Variants in LONRF1 observed in about 807,000 individuals in gnomAD.
LONRF1 encodes LON peptidase N-terminal domain and RING finger protein 1.
In LONRF1, 37 loss-of-function variants were observed where a neutral mutation model predicts 85.8. The observed-to-expected ratio is 0.43, with a 90% CI of 0.33 to 0.57. The LOEUF is 0.57. Among genes scored for constraint, LONRF1 ranks in the 20% least tolerant of loss-of-function variants. The pLI is 0.04. For missense variants in LONRF1, 1,036 were observed against 978.0 expected, an observed-to-expected ratio of 1.06 and a Z score of -0.79; for synonymous variants, 517 against 390.1, an observed-to-expected ratio of 1.33 and a Z score of -3.83.
At chr8:12,754,632 C>A in intron 1 of LONRF1, 68 bp downstream of exon 1, 2 of 1,254,282 alleles carry the variant, frequency 1.6e-6, no homozygotes, top group East Asian at 3.3e-5. Context: ...AGACAAGCTC[C>A]GGGTCCCCGG....
chr8:12,749,056 A>C (rs1343834544), intron 1 of LONRF1, among the ~76,000 whole-genome samples: 1 of 152,210 alleles, frequency 6.6e-6, no homozygotes, highest in Non-Finnish European at 1.5e-5. Flanking sequence ...TACATTTTAT[A>C]ACTGCTGTGA....
chr8:12,733,740 C>G (rs1206017045), intron 7 of LONRF1, among the ~76,000 whole-genome samples: 2 of 152,000 alleles, frequency 1.3e-5, no homozygotes, highest in South Asian at 2.1e-4. Flanking sequence ...GACTATTATG[C>G]TGCTATAAAA....
At chr8:12,740,452 T>C (rs752618835) in intron 3 of LONRF1, among the ~76,000 whole-genome samples, 16 of 151,992 alleles carry the variant, frequency 1.1e-4, no homozygotes, top group Non-Finnish European at 1.5e-4. Flanking sequence ...AAGTGACATA[T>C]GGAGTATTGA....
intron 1 of LONRF1, chr8:12,753,496 T>C (rs1450793835): frequency 6.6e-6 from 1 of 152,166 alleles, no homozygotes; most frequent in African/African-American, 2.4e-5. Flanking sequence ...TAATTCTTTG[T>C]TGTGGGAATC....
At position 12,755,085 on chromosome 8, in the gene LONRF1, G is replaced by C; in HGVS notation, c.336C>G (p.Gly112=). ...GGAGCCCGCCGGCGCCGCCGTCAGC[G>C]CCTGCAACCGGGGCCGCGCTCCAGC... ...GLGWSAAPVA[G]ADGGAGGLLR... The change falls in exon 1 of 12, where the codon GGC becomes GGG. Residue 112 remains glycine (G), a synonymous_variant. Coordinates refer to ENST00000398246, the MANE Select transcript of LONRF1 (RefSeq NM_152271.5). The C allele has an allele frequency of 6.8e-7, 1 of 1,471,410 alleles. No homozygotes were observed. The highest frequency in any genetic ancestry group is 3.0e-5 in the East Asian group (1 of 33,624). 91.1% of individuals were successfully genotyped at this position (1,471,410 alleles called of 1,614,324 possible).
chr8:12,738,730 A>C (rs1326121033), intron 3 of LONRF1: 1 of 152,196 alleles, frequency 6.6e-6, no homozygotes, highest in Non-Finnish European at 1.5e-5. Context: ...ACAGCTGGAG[A>C]ATCAAATTTC....
chr8:12,744,564 T>G (rs189821949), intron 1 of LONRF1, among the ~76,000 whole-genome samples: 32 of 152,264 alleles, frequency 2.1e-4, no homozygotes, highest in Non-Finnish European at 4.0e-4. Flanking sequence ...CAAAAATGTT[T>G]TACATTATTC....
At chr8:12,746,879 T>C (rs1023208517) in intron 1 of LONRF1, among the ~76,000 whole-genome samples, 1 of 152,226 alleles carries the variant, frequency 6.6e-6, no homozygotes, top group South Asian at 2.1e-4. Flanking sequence ...CCCCAAGGCT[T>C]ACTCTAGAGA....
chr8:12,735,608 AGGCCTAGAGCCAAG>A (rs540327388), intron 6 of LONRF1: 20 of 526,128 alleles, frequency 3.8e-5, no homozygotes, highest in South Asian at 2.0e-4. Context: ...CTCCTGCCAA[AGGCCTAGAGCCAAG>A]GGCCTAGAGC....
In LONRF1 at chr8:12,725,889, C is replaced by T. The variant is rs994892606; in HGVS notation, c.2011-10G>A. 6.2e-7 allele frequency: 1 copy of T among 1,602,972 alleles called. No homozygotes were observed. The highest frequency in any genetic ancestry group is 8.5e-7 in the Non-Finnish European group (1 of 1,173,938). The stretch of plus-strand genomic sequence containing the variant: ...CATCTTCATTCTCAACCTAGAAATA[C>T]AATAGTCAGTAAGACTTCTGTGTCT... On this transcript the variant is annotated splice_polypyrimidine_tract_variant and intron_variant, in intron 10 of 11. Coordinates refer to ENST00000398246, the MANE Select transcript of LONRF1 (RefSeq NM_152271.5).
intron 7 of LONRF1, among the ~76,000 whole-genome samples, chr8:12,734,840 C>T (rs1020949953): frequency 3.9e-5 from 6 of 152,158 alleles, no homozygotes; most frequent in African/African-American, 1.4e-4. Context: ...GCTAATATAT[C>T]TGACAGCAAA....
chr8:12,723,474 C>T (rs531370483), intron 11 of LONRF1, among the ~76,000 whole-genome samples: 52 of 152,302 alleles, frequency 3.4e-4, no homozygotes, highest in African/African-American at 1.1e-3. Flanking sequence ...GTGGCAGAGC[C>T]GAGATTCAAA....
At chr8:12,751,306 T>TGTTTGTTTTTTTTTTG in intron 1 of LONRF1, among the ~76,000 whole-genome samples, 1 of 104,602 alleles carries the variant, frequency 9.6e-6, no homozygotes, top group South Asian at 3.5e-4. Context: ...GTTTTTTTTT[T>TGTTTGTTTTTTTTTTG]TTTTTTTTTT....
At chr8:12,749,042 C>T (rs2117338611) in intron 1 of LONRF1, among the ~76,000 whole-genome samples, 1 of 152,308 alleles carries the variant, frequency 6.6e-6, no homozygotes, top group East Asian at 1.9e-4. Context: ...ACCTCTAAAA[C>T]ACCTACATTT....
chr8:12,734,469 G>A (rs1798644597), intron 7 of LONRF1, among the ~76,000 whole-genome samples: 1 of 151,964 alleles, frequency 6.6e-6, no homozygotes, highest in South Asian at 2.1e-4. Flanking sequence ...CCCAATCAAC[G>A]CTACAAACTG....
intron 10 of LONRF1, among the ~76,000 whole-genome samples, chr8:12,728,211 C>T (rs79125153): frequency 0.017 from 2,603 of 152,140 alleles, 88 homozygotes; most frequent in African/African-American, 0.06. Flanking sequence ...GTCACTTTTC[C>T]GGTTCCTAAA....
intron 1 of LONRF1, among the ~76,000 whole-genome samples, chr8:12,744,211 T>C (rs1484832687): frequency 2.0e-5 from 3 of 152,186 alleles, no homozygotes; most frequent in Middle Eastern, 3.2e-3. Context: ...AATTTATCAA[T>C]AGCTGCCGGG....
At position 12,754,899 on chromosome 8, in the gene LONRF1, C is replaced by T. The variant is rs1168399267; in HGVS notation, c.522G>A (p.Gly174=). The change falls in exon 1 of 12, where the codon GGG becomes GGA. Residue 174 remains glycine (G), a synonymous_variant. Transcript: ENST00000398246. ...CCAGAGGCGGCGGCCGCGGGGCGGT[C>T]CCTTCAGCATCAGTGGCACTGGCGG... is the stretch of plus-strand genomic sequence containing the variant. The part of the protein sequence containing the change: ...PATASATDAE[G]TAPRPPPLAA... 6.7e-7 allele frequency: 1 copy of T among 1,492,976 alleles called. No homozygotes were observed. The highest frequency in any genetic ancestry group is 8.9e-7 in the Non-Finnish European group (1 of 1,125,862). The allele number at this position is 1,492,976 out of a possible 1,614,324, so 92.5% of individuals were successfully genotyped here.
Position 12,754,716 on chromosome 8 carries a change from G to C in LONRF1, c.705C>G (p.Cys235Trp). ...CGCGGTCACCTGCTCGCAGCGCCTC[G>C]CAGGCGGCGGCCAGGGCCTCCCGGT... ...GRYREALAAA[C>W]EALRAEPSDL... The change falls in exon 1 of 12, where the codon TGC becomes TGG. Residue 235 changes from cysteine (C) to tryptophan (W), a missense_variant. Physicochemically the swap from Cys to Trp is radical, Grantham distance 215. Around this residue, in one of 3 missense-constraint regions of LONRF1, gnomAD observed 742 missense variants for 614.4 expected, o/e 1.21. Coordinates refer to ENST00000398246, the MANE Select transcript of LONRF1 (RefSeq NM_152271.5). 1 of 1,390,904 alleles carries C rather than the reference G, an allele frequency of 7.2e-7. No individual in the cohort carries two copies. Among genetic ancestry groups the C allele is most frequent in the Non-Finnish European group, 9.2e-7 (1 of 1,082,066 alleles). 86.2% of individuals were successfully genotyped at this position (1,390,904 alleles called of 1,614,324 possible). A position where few individuals can be genotyped will look rare whatever the true frequency, so the allele number is the denominator to read the frequency against.
Sources: gnomAD v4.1 joint callset for allele counts (sites outside exome capture counted in the v4.1 genomes callset) on GRCh38, gnomAD v4.1.1 for gene constraint, gnomAD v4.1.1 regional missense constraint, MANE v1.5 for transcripts, NCBI Gene and HGNC (gene_info 2026-07-23, HGNC 2026-07-21) for gene names.